The following MATN2 variants were observed in gnomAD, a reference collection of about 807,000 sequenced individuals.
The protein encoded by MATN2 is matrilin-2.
A neutral mutation model predicts 103.2 loss-of-function variants in MATN2; 69 were observed. The observed-to-expected ratio is 0.67, with a 90% CI of 0.55 to 0.82. The LOEUF is 0.82. Among genes scored for constraint, MATN2 ranks in the 40% least tolerant of loss-of-function variants. MATN2 has a pLI of 0.00. For synonymous variants in MATN2, 429 were observed against 450.2 expected, an observed-to-expected ratio of 0.95 and a Z score of 0.60; for missense variants, 1,023 against 1,211.5, an observed-to-expected ratio of 0.84 and a Z score of 2.31.
At chr8:97,872,800 G>GTT (rs59246813) in intron 1 of MATN2, among the ~76,000 whole-genome samples, 10 of 144,890 alleles carry the variant, frequency 6.9e-5, no homozygotes, top group African/African-American at 2.5e-4. Flanking sequence ...AAGTCCCCCC[G>GTT]TTTTTTTTTT....
intron 2 of MATN2, among the ~76,000 whole-genome samples, chr8:97,927,251 C>T (rs1185354705): frequency 6.6e-6 from 1 of 152,216 alleles, no homozygotes; most frequent in African/African-American, 2.4e-5. Context: ...TCAAGCGATT[C>T]TCCTGCCTCA....
At chr8:97,957,472 C>T (rs1198805387) in intron 4 of MATN2, among the ~76,000 whole-genome samples, 4 of 152,166 alleles carry the variant, frequency 2.6e-5, no homozygotes, top group African/African-American at 9.7e-5. Flanking sequence ...TCCCTTGGGT[C>T]GGTACAAATC....
At chr8:98,034,438 A>G (rs918928432) in intron 18 of MATN2, 1 of 279,506 alleles carries the variant, frequency 3.6e-6, no homozygotes, top group Non-Finnish European at 7.5e-6. Context: ...CTCTGTGCCA[A>G]TGGGCTTATG....
intron 10 of MATN2, among the ~76,000 whole-genome samples, chr8:98,015,122 A>G (rs1233181464): frequency 1.3e-5 from 2 of 152,260 alleles, no homozygotes; most frequent in Middle Eastern, 3.4e-3. Context: ...GCAACCTGGG[A>G]GTCTTCCTTG....
chr8:97,926,195 T>C (rs1450102118), intron 2 of MATN2, among the ~76,000 whole-genome samples: 1 of 152,164 alleles, frequency 6.6e-6, no homozygotes, highest in African/African-American at 2.4e-5. Context: ...CGTTTTATTA[T>C]GGGCCCACAA....
At chr8:97,959,212 A>G (rs552045288) in intron 4 of MATN2, among the ~76,000 whole-genome samples, 13 of 152,022 alleles carry the variant, frequency 8.6e-5, no homozygotes, top group African/African-American at 1.7e-4. Context: ...CTTTGCATTC[A>G]CTGTTCTTTT....
chr8:97,955,717 C>T lies in MATN2; in HGVS notation c.836-5691C>T, dbSNP rs138709408. Among the ~76,000 whole-genome samples, 7 of 152,302 alleles carry T rather than the reference C, an allele frequency of 4.6e-5. No individual in the cohort carries two copies. In the East Asian group the frequency reaches 7.7e-4, roughly 17 times the overall value. On this transcript the variant is annotated intron_variant, in intron 4 of 18. Coordinates refer to ENST00000254898, the MANE Select transcript of MATN2 (RefSeq NM_002380.5). ...CTTAGAGACATGGCTCTGTCCTTCA[C>T]AGAGCTTACAAGAGTAGGTAAGAGA... is the stretch of plus-strand genomic sequence containing the variant.
Position 97,993,902 on chromosome 8 carries a change from T to G in MATN2, c.1082-578T>G, listed in dbSNP as rs1211384910. 2.0e-5 allele frequency among the ~76,000 whole-genome samples: 3 copies of G among 152,150 alleles called. No homozygotes were observed. In the East Asian group the frequency reaches 5.8e-4, roughly 29 times the overall value. ...GGCAAATACCCCATCTTCATTTTAGTGGCTCTTACATGAATCAAGACAAGG... is the reference window on the plus strand; with the variant it reads ...GGCAAATACCCCATCTTCATTTTAGGGGCTCTTACATGAATCAAGACAAGG... On this transcript the variant is annotated intron_variant, in intron 6 of 18. Coordinates refer to ENST00000254898, the MANE Select transcript of MATN2 (RefSeq NM_002380.5).
intron 1 of MATN2, among the ~76,000 whole-genome samples, chr8:97,872,934 C>T (rs1817946520): frequency 6.6e-6 from 1 of 152,072 alleles, no homozygotes; most frequent in African/African-American, 2.4e-5. Context: ...GATGGGATTA[C>T]AGCCATGAGC....
At chr8:97,974,170 C>T (rs989660604) in intron 5 of MATN2, among the ~76,000 whole-genome samples, 1 of 151,830 alleles carries the variant, frequency 6.6e-6, no homozygotes, top group African/African-American at 2.4e-5. Context: ...GACAGAATTT[C>T]GCTTGTTGCC....
intron 10 of MATN2, among the ~76,000 whole-genome samples, chr8:98,012,040 T>C (rs1480756201): frequency 6.6e-6 from 1 of 152,212 alleles, no homozygotes; most frequent in African/African-American, 2.4e-5. Context: ...GGAAAAATGT[T>C]TTCTTTCTCC....
At chr8:98,011,353 C>T (rs1293998212) in intron 10 of MATN2, among the ~76,000 whole-genome samples, 1 of 152,186 alleles carries the variant, frequency 6.6e-6, no homozygotes, top group Non-Finnish European at 1.5e-5. Flanking sequence ...GGGGACCACC[C>T]TCACTCTCAT....
chr8:98,016,442 T>A, intron 10 of MATN2, 98 bp from the exon 11 acceptor site: 1 of 1,095,576 alleles, frequency 9.1e-7, no homozygotes, highest in Non-Finnish European at 1.3e-6. Flanking sequence ...GGCACTGTTT[T>A]AATTCAAAGT....
intron 2 of MATN2, among the ~76,000 whole-genome samples, chr8:97,901,274 A>G (rs1383825702): frequency 1.3e-5 from 2 of 150,856 alleles, no homozygotes; most frequent in East Asian, 3.9e-4. Context: ...TCTTTTTGAG[A>G]TGGAGTCTTG....
intron 4 of MATN2, among the ~76,000 whole-genome samples, chr8:97,953,459 G>A (rs541561991): frequency 1.3e-5 from 2 of 152,280 alleles, no homozygotes; most frequent in South Asian, 2.1e-4. Flanking sequence ...TGTCCAACAC[G>A]GTGAAACCCT....
chr8:97,952,806 C>T (rs1811001512), intron 4 of MATN2, among the ~76,000 whole-genome samples: 1 of 151,960 alleles, frequency 6.6e-6, no homozygotes, highest in Non-Finnish European at 1.5e-5. Context: ...TTATGAAATT[C>T]CAAATTACCT....
chr8:97,960,354 A>G (rs62521958), intron 4 of MATN2, among the ~76,000 whole-genome samples: 2 of 152,120 alleles, frequency 1.3e-5, no homozygotes, highest in Non-Finnish European at 2.9e-5. Flanking sequence ...TCAATGGTAC[A>G]GCTAGCTGTT....
At chr8:97,965,844 C>T (rs1811460538) in intron 5 of MATN2, among the ~76,000 whole-genome samples, 1 of 152,000 alleles carries the variant, frequency 6.6e-6, no homozygotes, top group South Asian at 2.1e-4. Context: ...ATTAGTCAGG[C>T]GTGGTGGCAG....
chr8:97,990,392 C>T (rs532526826), intron 6 of MATN2, among the ~76,000 whole-genome samples: 36 of 152,184 alleles, frequency 2.4e-4, no homozygotes, highest in African/African-American at 7.0e-4. Context: ...GATGGGGATA[C>T]GGAGCAACTG....
Sources: gnomAD v4.1 joint callset for allele counts (sites outside exome capture counted in the v4.1 genomes callset) on GRCh38, gnomAD v4.1.1 for gene constraint, MANE v1.5 for transcripts, NCBI Gene and HGNC (gene_info 2026-07-23, HGNC 2026-07-21) for gene names.